The following DAB1 variants were observed in gnomAD, a reference collection of about 807,000 sequenced individuals.
The protein encoded by DAB1 is DAB adaptor protein 1.
In DAB1, 15 loss-of-function variants were observed where a neutral mutation model predicts 64.6. That is an observed-to-expected ratio of 0.23 (90% CI 0.16 to 0.36). The LOEUF (loss-of-function observed/expected upper bound fraction) is 0.36, where lower values mean the gene tolerates loss of function less well. Ranked by LOEUF, DAB1 falls within the 10% of genes least tolerant of loss-of-function variation. The probability of loss-of-function intolerance (pLI) is 1.00; values close to 1 mark genes in which losing one functional copy is unlikely to be tolerated. For synonymous variants in DAB1, 235 were observed against 251.9 expected, an observed-to-expected ratio of 0.93 and a Z score of 0.64; for missense variants, 596 against 706.7, an observed-to-expected ratio of 0.84 and a Z score of 1.78.
At chr1:57,677,894 C>T (rs941599771) in intron 6 of DAB1, among the ~76,000 whole-genome samples, 5 of 152,106 alleles carry the variant, frequency 3.3e-5, no homozygotes, top group South Asian at 4.2e-4. Context: ...TATTTGTCCA[C>T]GGGTATCATT....
At chr1:57,255,746 C>T (rs1669713843) in intron 2 of DAB1, among the ~76,000 whole-genome samples, 1 of 152,170 alleles carries the variant, frequency 6.6e-6, no homozygotes, top group South Asian at 2.1e-4. Flanking sequence ...AGAATATTAT[C>T]CCAGCATACT....
intron 7 of DAB1, among the ~76,000 whole-genome samples, chr1:57,577,236 A>G (rs1404030346): frequency 6.6e-6 from 1 of 152,212 alleles, no homozygotes; most frequent in African/African-American, 2.4e-5. Flanking sequence ...TACTGTGTTT[A>G]TCAGCTAGGC....
chr1:57,733,829 G>C (rs1647552903), intron 6 of DAB1, among the ~76,000 whole-genome samples: 1 of 152,042 alleles, frequency 6.6e-6, no homozygotes, highest in Non-Finnish European at 1.5e-5. Context: ...GTCAGCATGG[G>C]GGGAATCCAT....
intron 5 of DAB1, among the ~76,000 whole-genome samples, chr1:57,909,616 G>A (rs994499050): frequency 6.6e-6 from 1 of 152,012 alleles, no homozygotes; most frequent in African/African-American, 2.4e-5. Flanking sequence ...GCTATCTACT[G>A]GGTAATAAGT....
At chr1:57,103,027 C>T (rs1654823063) in intron 4 of DAB1, among the ~76,000 whole-genome samples, 1 of 152,062 alleles carries the variant, frequency 6.6e-6, no homozygotes, top group Non-Finnish European at 1.5e-5. Flanking sequence ...TCTCAGAAAC[C>T]CACACGCTCA....
At chr1:57,396,961 A>C (rs371569305) in intron 1 of DAB1, among the ~76,000 whole-genome samples, 1 of 152,352 alleles carries the variant, frequency 6.6e-6, no homozygotes, top group East Asian at 1.9e-4. Context: ...TGTTTTCAGA[A>C]GCATAAGGCA....
At chr1:57,379,835 A>C (rs34374446) in intron 1 of DAB1, among the ~76,000 whole-genome samples, 1 of 152,208 alleles carries the variant, frequency 6.6e-6, no homozygotes, top group South Asian at 2.1e-4. Flanking sequence ...ATGAAGAAGA[A>C]GATCAAGGGC....
At chr1:57,390,945 C>T (rs1471038840) in intron 1 of DAB1, among the ~76,000 whole-genome samples, 1 of 152,180 alleles carries the variant, frequency 6.6e-6, no homozygotes, top group African/African-American at 2.4e-5. Flanking sequence ...TGCTGTCCTT[C>T]TAACTTCTTG....
intron 14 of DAB1, among the ~76,000 whole-genome samples, chr1:57,000,335 C>T (rs539227154): frequency 1.2e-4 from 19 of 152,208 alleles, no homozygotes; most frequent in African/African-American, 3.4e-4. Context: ...TGAGCCACCG[C>T]GCCAGGCCTC....
intron 7 of DAB1, among the ~76,000 whole-genome samples, chr1:57,504,839 A>G (rs986191274): frequency 6.6e-6 from 1 of 152,232 alleles, no homozygotes; most frequent in African/African-American, 2.4e-5. Context: ...CCAAAAATCT[A>G]TAACCCCAAT....
chr1:58,069,257 T>G (rs1040970732), intron 5 of DAB1, among the ~76,000 whole-genome samples: 1 of 152,160 alleles, frequency 6.6e-6, no homozygotes, highest in Non-Finnish European at 1.5e-5. Context: ...CCAGGCACTG[T>G]TTTAGGTGCT....
intron 1 of DAB1, among the ~76,000 whole-genome samples, chr1:57,390,020 C>T (rs755970598): frequency 6.6e-6 from 1 of 152,158 alleles, no homozygotes; most frequent in Non-Finnish European, 1.5e-5. Context: ...GGCCACCTGG[C>T]CCCCAAACCA....
chr1:58,323,291 C>G (rs1662738660), intron 4 of DAB1, among the ~76,000 whole-genome samples: 1 of 151,904 alleles, frequency 6.6e-6, no homozygotes, highest in Non-Finnish European at 1.5e-5. Flanking sequence ...TCTCCTTGCT[C>G]TTCTCACCAT....
intron 2 of DAB1, among the ~76,000 whole-genome samples, chr1:57,252,936 T>C (rs933610395): frequency 6.6e-6 from 1 of 152,118 alleles, no homozygotes; most frequent in South Asian, 2.1e-4. Context: ...CCCAGATAGA[T>C]GAATGGGCTA....
chr1:57,849,948 G>A (rs1428468537), intron 1 of DAB1, among the ~76,000 whole-genome samples: 2 of 152,202 alleles, frequency 1.3e-5, no homozygotes, highest in Non-Finnish European at 1.5e-5. Flanking sequence ...GAGATTTTAT[G>A]TGGGAAGTGA....
intron 3 of DAB1, among the ~76,000 whole-genome samples, chr1:58,469,719 G>A (rs1186606277): frequency 6.6e-6 from 1 of 152,126 alleles, no homozygotes; most frequent in African/African-American, 2.4e-5. Context: ...ATTATTGAGC[G>A]GTGGCAGGGA....
chr1:57,206,236 G>GGAGGGA (rs749310463), intron 2 of DAB1, among the ~76,000 whole-genome samples: 13 of 152,148 alleles, frequency 8.5e-5, no homozygotes, highest in Non-Finnish European at 1.5e-4. Context: ...AGGGAGAAAA[G>GGAGGGA]GAGGGAGAGG....
chr1:57,647,406 G>A lies in DAB1; in HGVS notation n.625+2186C>T, dbSNP rs142046930. Among the ~76,000 whole-genome samples the A allele has an allele frequency of 2.8e-3, 419 of 152,220 alleles. 1 individual carries two copies. The highest frequency in any genetic ancestry group is 7.9e-3 in the African/African-American group (326 of 41,528). On this transcript the variant is annotated intron_variant and non_coding_transcript_variant, in intron 7 of 20. Transcript: ENST00000485760. Reference sequence around the variant, plus strand: ...AACTCCTTGGGACTCCCCCGGAGGCGAACATCCAGGGCTCCCACCTTCTCC... The same window carrying A: ...AACTCCTTGGGACTCCCCCGGAGGCAAACATCCAGGGCTCCCACCTTCTCC...
At chr1:58,056,295 A>C in intron 5 of DAB1, 1 of 1,449,588 alleles carries the variant, frequency 6.9e-7, no homozygotes, top group Non-Finnish European at 9.6e-7. Flanking sequence ...TGGGAAGCAC[A>C]TAGGCATCGA....
Sources: allele counts gnomAD v4.1 joint callset (sites outside exome capture counted in the v4.1 genomes callset), GRCh38; gene constraint gnomAD v4.1.1; transcripts MANE v1.5; gene names NCBI Gene and HGNC (gene_info 2026-07-23, HGNC 2026-07-21).